TSPAN13: variants seen among roughly 807,000 people sequenced by gnomAD.
The protein encoded by TSPAN13 is tetraspanin-13.
Under a neutral mutation model 26.9 loss-of-function variants are expected in TSPAN13, and 18 were observed. The ratio of observed to expected loss-of-function variants is 0.67; its 90% CI spans 0.46 to 0.99. The LOEUF is 0.99. Ranked by LOEUF, TSPAN13 falls within the 50% of genes least tolerant of loss-of-function variation. The pLI, the probability that TSPAN13 is intolerant of heterozygous loss-of-function variation, is 0.00. For synonymous variants in TSPAN13, 116 were observed against 98.4 expected (o/e 1.18, Z -1.06); for missense variants, 201 against 249.6 (o/e 0.81, Z 1.31).
intron 1 of TSPAN13, among the ~76,000 whole-genome samples, chr7:16,768,822 G>T (rs1784640254): frequency 6.6e-6 from 1 of 152,136 alleles, no homozygotes; most frequent in Admixed American, 6.5e-5. Flanking sequence ...ATTTAGATCT[G>T]TATCAGTTAC....
chr7:16,784,430 G>T lies in TSPAN13; in HGVS notation c.*939G>T, dbSNP rs531716464. On this transcript the variant is annotated 3_prime_UTR_variant, in exon 6 of 6. Transcript: ENST00000262067. ...TCTCCCATAATTTGAAATTGAAATC[G>T]TATTGTGTGGCTCTGTATATTCTGT... The T allele has an allele frequency of 6.6e-6, 1 of 152,212 alleles. No homozygotes were observed. The highest frequency in any genetic ancestry group is 2.4e-5 in the African/African-American group (1 of 41,544). 9.4% of individuals were successfully genotyped at this position (152,212 alleles called of 1,614,324 possible).
chr7:16,759,699 C>CTTTTTTTT (rs59571826), intron 1 of TSPAN13, among the ~76,000 whole-genome samples: 1 of 132,444 alleles, frequency 7.6e-6, no homozygotes, highest in East Asian at 2.2e-4. Flanking sequence ...TTCTTTCTTT[C>CTTTTTTTT]TTTTTTTTTT....
chr7:16,756,593 A>C (rs934793436), intron 1 of TSPAN13, among the ~76,000 whole-genome samples: 2 of 152,192 alleles, frequency 1.3e-5, no homozygotes, highest in African/African-American at 4.8e-5. Context: ...CAAACAAGGA[A>C]ATTTGATCAC....
In TSPAN13 at chr7:16,783,761, T is replaced by C. The variant is rs771201659; in HGVS notation, c.*270T>C. On this transcript the variant is annotated 3_prime_UTR_variant, in exon 6 of 6. Coordinates refer to ENST00000262067, the MANE Select transcript of TSPAN13 (RefSeq NM_014399.4). ...GGGCACTGTCCACTGTGGCCTTTCTTAGCATTTTTACCTGCAGAAAAACTT... is the reference window on the plus strand; with the variant it reads ...GGGCACTGTCCACTGTGGCCTTTCTCAGCATTTTTACCTGCAGAAAAACTT... 8.8e-6 allele frequency: 4 copies of C among 452,386 alleles called. No individual in the cohort carries two copies. The highest frequency in any genetic ancestry group is 1.6e-5 in the Non-Finnish European group (4 of 250,254). The allele number at this position is 452,386 out of a possible 1,614,324, so 28.0% of individuals were successfully genotyped here.
intron 1 of TSPAN13, among the ~76,000 whole-genome samples, chr7:16,774,146 C>T (rs1784712967): frequency 1.3e-5 from 2 of 152,298 alleles, no homozygotes; most frequent in South Asian, 4.1e-4. Flanking sequence ...AGGAATTCTG[C>T]TTGAGTTTCC....
intron 1 of TSPAN13, among the ~76,000 whole-genome samples, chr7:16,768,070 G>A (rs550021593): frequency 3.7e-4 from 56 of 151,880 alleles, no homozygotes; most frequent in South Asian, 8.3e-4. Flanking sequence ...GTGCCACCAC[G>A]CCCAGCTAAT....
chr7:16,783,806 G>A lies in TSPAN13; in HGVS notation c.*315G>A, dbSNP rs1784842222. On this transcript the variant is annotated 3_prime_UTR_variant, in exon 6 of 6. Coordinates refer to ENST00000262067, the MANE Select transcript of TSPAN13 (RefSeq NM_014399.4). ...AAACTTTGTATGGTACCACTGTGTT[G>A]GTTATATGGTGAATCTGAACGTACA... 1 of 331,088 alleles carries A rather than the reference G, an allele frequency of 3.0e-6. No individual in the cohort carries two copies. Among genetic ancestry groups the A allele is most frequent in the East Asian group, 5.5e-5 (1 of 18,248 alleles). The allele number at this position is 331,088 out of a possible 1,614,324, so 20.5% of individuals were successfully genotyped here. A position where few individuals can be genotyped will look rare whatever the true frequency, so the allele number is the denominator to read the frequency against.
intron 1 of TSPAN13, among the ~76,000 whole-genome samples, chr7:16,759,154 G>A (rs1784514482): frequency 6.6e-6 from 1 of 152,156 alleles, no homozygotes; most frequent in Non-Finnish European, 1.5e-5. Context: ...CTTCACATAT[G>A]GTGGTCATGC....
chr7:16,776,469 G>T (rs1392265116), intron 2 of TSPAN13, 91 bp downstream of exon 2: 1 of 1,287,824 alleles, frequency 7.8e-7, no homozygotes, highest in Non-Finnish European at 1.1e-6. Context: ...TTTATTGCCA[G>T]AAAGCAACTC....
chr7:16,765,363 C>G (rs28622265), intron 1 of TSPAN13, among the ~76,000 whole-genome samples: 10,370 of 152,234 alleles, frequency 0.068, 1,214 homozygotes, highest in African/African-American at 0.23. Flanking sequence ...CTCGGCATCC[C>G]AAAGTGCTAG....
At chr7:16,759,699 CTT>C (rs59571826) in intron 1 of TSPAN13, among the ~76,000 whole-genome samples, 40,946 of 131,886 alleles carry the variant, frequency 0.31, 5,966 homozygotes, top group Admixed American at 0.36. Context: ...TTCTTTCTTT[CTT>C]TTTTTTTTTT....
intron 5 of TSPAN13, among the ~76,000 whole-genome samples, chr7:16,779,792 G>C (rs1358942579): frequency 1.4e-5 from 2 of 142,676 alleles, no homozygotes; most frequent in East Asian, 4.0e-4. Flanking sequence ...TTTTTTTTGA[G>C]ATGGAGTCTT....
chr7:16,782,390 A>G (rs1468856851), intron 5 of TSPAN13, among the ~76,000 whole-genome samples: 1 of 152,200 alleles, frequency 6.6e-6, no homozygotes, highest in Non-Finnish European at 1.5e-5. Context: ...GGTGGCTACA[A>G]AGTCACATAA....
intron 5 of TSPAN13, among the ~76,000 whole-genome samples, chr7:16,781,270 G>T (rs1390643523): frequency 6.6e-6 from 1 of 152,044 alleles, no homozygotes. Flanking sequence ...ATTTCCTTCT[G>T]CCCGTTCTAT....
intron 1 of TSPAN13, among the ~76,000 whole-genome samples, chr7:16,772,667 C>A (rs1254342194): frequency 6.6e-6 from 1 of 152,126 alleles, no homozygotes; most frequent in Non-Finnish European, 1.5e-5. Flanking sequence ...CTTTAAAGAT[C>A]CTTAATTTAG....
chr7:16,774,717 G>A (rs1231248058), intron 1 of TSPAN13, among the ~76,000 whole-genome samples: 1 of 152,144 alleles, frequency 6.6e-6, no homozygotes, highest in Non-Finnish European at 1.5e-5. Context: ...GCCTCTCCTT[G>A]TCCCTCTGAA....
chr7:16,771,675 C>A (rs1342928007), intron 1 of TSPAN13, among the ~76,000 whole-genome samples: 1 of 152,220 alleles, frequency 6.6e-6, no homozygotes, highest in Non-Finnish European at 1.5e-5. Context: ...CCCTCTGGAG[C>A]TTTCAGGAGT....
intron 1 of TSPAN13, 96 bp downstream of exon 1, chr7:16,754,126 A>C: frequency 1.6e-6 from 2 of 1,287,000 alleles, no homozygotes; most frequent in Non-Finnish European, 2.2e-6. Flanking sequence ...CACTCGTTGC[A>C]TCCCGCGCCC....
intron 4 of TSPAN13, among the ~76,000 whole-genome samples, 177 bp downstream of exon 4, chr7:16,778,088 C>G (rs1784773580): frequency 6.6e-6 from 1 of 152,178 alleles, no homozygotes; most frequent in Non-Finnish European, 1.5e-5. Flanking sequence ...AATACCCACT[C>G]CAGAGAGTGT....
Sources: gnomAD v4.1 joint callset for allele counts (sites outside exome capture counted in the v4.1 genomes callset) on GRCh38, gnomAD v4.1.1 for gene constraint, MANE v1.5 for transcripts, NCBI Gene and HGNC (gene_info 2026-07-23, HGNC 2026-07-21) for gene names.